The following CAMK2G variants were observed in gnomAD, a reference collection of about 807,000 sequenced individuals.
CAMK2G encodes the protein calcium/calmodulin-dependent protein kinase type II subunit gamma.
In CAMK2G, 23 loss-of-function variants were observed where a neutral mutation model predicts 88.7. That is an observed-to-expected ratio of 0.26 (90% CI 0.19 to 0.37). The LOEUF is 0.37. Ranked by LOEUF, CAMK2G falls within the 10% of genes least tolerant of loss-of-function variation. The pLI, the probability that CAMK2G is intolerant of heterozygous loss-of-function variation, is 1.00. For synonymous variants in CAMK2G, 263 were observed against 294.8 expected (o/e 0.89, Z 1.11); for missense variants, 476 against 780.8 (o/e 0.61, Z 4.65).
At chr10:73,858,910 C>T (rs1042243555) in intron 3 of CAMK2G, among the ~76,000 whole-genome samples, 7 of 152,296 alleles carry the variant, frequency 4.6e-5, no homozygotes, top group Admixed American at 2.0e-4. Context: ...CCAACCCATC[C>T]GTGGTCAACC....
chr10:73,838,006 G>A (rs904228774), intron 13 of CAMK2G, among the ~76,000 whole-genome samples: 2 of 152,200 alleles, frequency 1.3e-5, no homozygotes, highest in African/African-American at 4.8e-5. Context: ...CAGAAACCAG[G>A]ACCACCTACA....
intron 19 of CAMK2G, among the ~76,000 whole-genome samples, chr10:73,819,158 C>T (rs2086833487): frequency 6.6e-6 from 1 of 152,120 alleles, no homozygotes; most frequent in Admixed American, 6.5e-5. Context: ...ACATCCCCAA[C>T]ACAGTTCCTC....
In CAMK2G at chr10:73,848,591, C is replaced by T; in HGVS notation, c.536G>A (p.Gly179Asp). The T allele has an allele frequency of 6.2e-7, 1 of 1,611,040 alleles. No individual in the cohort carries two copies. Among genetic ancestry groups the T allele is most frequent in the Non-Finnish European group, 8.5e-7 (1 of 1,178,188 alleles). ...QAWFGFAGTP[G>D]YLSPEVLRKD... The stretch of plus-strand genomic sequence containing the variant: ...CCTCAAGACCTCAGGGGACAAGTAA[C>T]CTGGGGTGCCAGCAAAACCTGTAGC... Residue 179 changes from glycine to aspartate, a missense_variant, in exon 8 of 23, where the codon GGT (glycine) becomes GAT (aspartate). By Grantham distance (94) the Gly-to-Asp change is moderately conservative. This residue lies in a region of CAMK2G where 164 missense variants were observed against 385.6 expected (regional missense o/e 0.43). Coordinates refer to ENST00000423381, the MANE Select transcript of CAMK2G (RefSeq NM_001367534.1). The surrounding 1 kb of genome is among the most constrained non-coding windows in gnomAD (Gnocchi z 4.5).
At chr10:73,861,473 A>C (rs891772020) in intron 2 of CAMK2G, among the ~76,000 whole-genome samples, 2 of 152,168 alleles carry the variant, frequency 1.3e-5, no homozygotes, top group Non-Finnish European at 2.9e-5. Flanking sequence ...CTCCTGCCTC[A>C]GCCTCCCGAG....
Position 73,848,217 on chromosome 10 carries a change from A to G in CAMK2G, c.602-135T>C, listed in dbSNP as rs2094387532. On this transcript the variant is annotated intron_variant, in intron 8 of 22. Transcript: ENST00000423381. The surrounding 1 kb of genome is among the most constrained non-coding windows in gnomAD (Gnocchi z 4.5). ...AGTCAGAAGTGGATGCCAGCCGATA[A>G]TGCTATGCTACCAGCCCCTCCTGCT... The G allele has an allele frequency of 3.0e-6, 2 of 669,586 alleles. No individual in the cohort carries two copies. The highest frequency in any genetic ancestry group is 5.4e-6 in the Non-Finnish European group (2 of 369,040). 41.5% of individuals were successfully genotyped at this position (669,586 alleles called of 1,614,324 possible). A position where few individuals can be genotyped will look rare whatever the true frequency, so the allele number is the denominator to read the frequency against.
At chr10:73,868,527 A>G (rs937506603) in intron 2 of CAMK2G, among the ~76,000 whole-genome samples, 1 of 152,228 alleles carries the variant, frequency 6.6e-6, no homozygotes, top group African/African-American at 2.4e-5. Context: ...CATCACTGAT[A>G]TGCAGGATGC....
Position 73,860,817 on chromosome 10 carries a change from C to T in CAMK2G, c.220+13G>A. The T allele has an allele frequency of 6.2e-7, 1 of 1,603,520 alleles. No homozygotes were observed. The highest frequency in any genetic ancestry group is 2.2e-5 in the East Asian group (1 of 44,830). The stretch of plus-strand genomic sequence containing the variant: ...CAAAATACCCACAAAATGCTCCATG[C>T]CCAGGCACTCACCGATGTTTGGATG... On this transcript the variant is annotated intron_variant, in intron 3 of 22. Transcript: ENST00000423381.
intron 2 of CAMK2G, among the ~76,000 whole-genome samples, chr10:73,872,742 C>T (rs1408153198): frequency 2.0e-5 from 3 of 152,210 alleles, no homozygotes; most frequent in Non-Finnish European, 2.9e-5. Context: ...AGACCGAACT[C>T]CCTTGAGCCT....
intron 2 of CAMK2G, among the ~76,000 whole-genome samples, chr10:73,863,470 G>C (rs1362178480): frequency 6.6e-6 from 1 of 152,190 alleles, no homozygotes; most frequent in African/African-American, 2.4e-5. Context: ...CCCTGGACTT[G>C]AGATGGAGGT....
At chr10:73,833,174 G>A (rs1057469894) in intron 14 of CAMK2G, among the ~76,000 whole-genome samples, 1 of 150,682 alleles carries the variant, frequency 6.6e-6, no homozygotes, top group Non-Finnish European at 1.5e-5. Context: ...CGTTTCCCAG[G>A]CTGGTCTCAA....
Position 73,828,226 on chromosome 10 carries a change from G to A in CAMK2G, c.1054-105C>T, listed in dbSNP as rs562236708. ...GCACCAGTGTGGGCTCTGCATCAGG[G>A]AGAAAAGAGCGGAGGGAGACCCGGA... On this transcript the variant is annotated intron_variant, in intron 14 of 22. Coordinates refer to ENST00000423381, the MANE Select transcript of CAMK2G (RefSeq NM_001367534.1). The A allele has an allele frequency of 1.3e-4, 120 of 942,978 alleles. 2 individuals carry two copies. The South Asian group carries it at 1.5e-3, about 12-fold the overall frequency. The allele number at this position is 942,978 out of a possible 1,614,324, so 58.4% of individuals were successfully genotyped here. A position where few individuals can be genotyped will look rare whatever the true frequency, so the allele number is the denominator to read the frequency against.
At chr10:73,873,436 G>A in intron 1 of CAMK2G, 1 of 1,142,108 alleles carries the variant, frequency 8.8e-7, no homozygotes, top group South Asian at 2.4e-5. Context: ...GAGAACCAGG[G>A]CAGAAGGGAG....
intron 14 of CAMK2G, among the ~76,000 whole-genome samples, chr10:73,829,266 T>TTTA (rs2091898263): frequency 1.3e-4 from 18 of 141,032 alleles, no homozygotes; most frequent in Middle Eastern, 3.6e-3. Context: ...TACATTGGCC[T>TTTA]TTTATTTATT....
chr10:73,849,416 G>T, intron 5 of CAMK2G, 83 bp from the exon 6 acceptor site: 1 of 973,980 alleles, frequency 1.0e-6, no homozygotes. Context: ...GCAGACTAAG[G>T]CATGTGACAA....
intron 18 of CAMK2G, among the ~76,000 whole-genome samples, chr10:73,821,123 CTAATT>C (rs2088525708): frequency 6.6e-6 from 1 of 151,792 alleles, no homozygotes; most frequent in Admixed American, 6.6e-5. Flanking sequence ...TTATTTGTTC[CTAATT>C]TTTTTTTTTT....
chr10:73,827,225 C>T (rs1209907435), intron 15 of CAMK2G, among the ~76,000 whole-genome samples: 8 of 152,136 alleles, frequency 5.3e-5, no homozygotes, highest in Non-Finnish European at 7.3e-5. Context: ...CTAGCTCTGT[C>T]GCCCAGGCTG....
chr10:73,872,557 C>T (rs558753445), intron 2 of CAMK2G, among the ~76,000 whole-genome samples: 1 of 152,320 alleles, frequency 6.6e-6, no homozygotes, highest in South Asian at 2.1e-4. Context: ...GGGAGGCTGG[C>T]TTTGTCAGAG....
At chr10:73,869,508 G>T (rs563308080) in intron 2 of CAMK2G, among the ~76,000 whole-genome samples, 1 of 152,310 alleles carries the variant, frequency 6.6e-6, no homozygotes, top group South Asian at 2.1e-4. Flanking sequence ...CTGTAGCAGG[G>T]TACAAGGGCT....
chr10:73,814,821 G>A, intron 22 of CAMK2G, 182 bp downstream of exon 22: 3 of 591,712 alleles, frequency 5.1e-6, no homozygotes, highest in Non-Finnish European at 9.1e-6. Context: ...GAGTCACGGA[G>A]CCAGACCCTA....
Sources: allele counts gnomAD v4.1 joint callset (sites outside exome capture counted in the v4.1 genomes callset), GRCh38; gene constraint gnomAD v4.1.1; regional missense constraint gnomAD v4.1.1; non-coding constraint Gnocchi (gnomAD v3.1); transcripts MANE v1.5; gene names NCBI Gene and HGNC (gene_info 2026-07-23, HGNC 2026-07-21).